Variants in CATSPERE observed in about 807,000 individuals in gnomAD.
CATSPERE encodes catsper channel auxiliary subunit epsilon.
A neutral mutation model predicts 114.1 loss-of-function variants in CATSPERE; 93 were observed. The observed-to-expected ratio is 0.81, with a 90% CI of 0.69 to 0.97. The LOEUF is 0.97. Ranked by LOEUF, CATSPERE falls within the 50% of genes least tolerant of loss-of-function variation. The pLI, the probability that CATSPERE is intolerant of heterozygous loss-of-function variation, is 0.00. For synonymous variants in CATSPERE, 341 were observed against 384.1 expected (o/e 0.89, Z 1.31); for missense variants, 1,058 against 1,131.6 (o/e 0.93, Z 0.93).
At chr1:244,503,509 T>G (rs1203485238) in intron 7 of CATSPERE, among the ~76,000 whole-genome samples, 1 of 152,196 alleles carries the variant, frequency 6.6e-6, no homozygotes, top group Non-Finnish European at 1.5e-5. Flanking sequence ...TATCAATATA[T>G]TCCCTCTTTT....
intron 6 of CATSPERE, among the ~76,000 whole-genome samples, chr1:244,494,601 A>T (rs1672799685): frequency 6.6e-6 from 1 of 151,004 alleles, no homozygotes; most frequent in Non-Finnish European, 1.5e-5. Flanking sequence ...TTAAAGTATA[A>T]TAAAAAAAAA....
At chr1:244,639,809 T>G in intron 21 of CATSPERE, 119 bp from the exon 22 acceptor site, 1 of 899,612 alleles carries the variant, frequency 1.1e-6, no homozygotes, top group Non-Finnish European at 1.7e-6. Flanking sequence ...TGTGTCTTAT[T>G]CACCTTTGCT....
chr1:244,515,661 A>G (rs1481339154), intron 7 of CATSPERE, among the ~76,000 whole-genome samples: 5 of 152,196 alleles, frequency 3.3e-5, no homozygotes, highest in Non-Finnish European at 7.4e-5. Context: ...GAGTGATAAC[A>G]TGGAAGCCAA....
chr1:244,464,512 T>C (rs1667294695), intron 2 of CATSPERE, among the ~76,000 whole-genome samples: 1 of 152,226 alleles, frequency 6.6e-6, no homozygotes, highest in South Asian at 2.1e-4. Context: ...TCTGTGTATC[T>C]GTGCAATCAT....
At chr1:244,460,003 A>G (rs978309941), upstream of CATSPERE, among the ~76,000 whole-genome samples, 1 of 152,222 alleles carries the variant, frequency 6.6e-6, no homozygotes, top group African/African-American at 2.4e-5. Flanking sequence ...ACCCAAAGGG[A>G]AGGATTGAAA....
intron 5 of CATSPERE, among the ~76,000 whole-genome samples, chr1:244,486,241 C>G (rs1265850061): frequency 6.6e-6 from 1 of 152,246 alleles, no homozygotes; most frequent in Non-Finnish European, 1.5e-5. Flanking sequence ...ACATCATGCT[C>G]CCTTAGACAA....
upstream of CATSPERE, among the ~76,000 whole-genome samples, chr1:244,458,010 G>C (rs1039784763): frequency 1.3e-5 from 2 of 152,048 alleles, no homozygotes; most frequent in Non-Finnish European, 2.9e-5. Flanking sequence ...AAATGTCTTT[G>C]TCAATTGTGC....
intron 2 of CATSPERE, among the ~76,000 whole-genome samples, chr1:244,474,261 G>T (rs1286261284): frequency 6.6e-6 from 1 of 151,972 alleles, no homozygotes; most frequent in African/African-American, 2.4e-5. Context: ...TCTCGAACTT[G>T]TGATCTCATG....
Position 244,573,221 on chromosome 1 carries a change from C to A in CATSPERE, c.1950+449C>A, listed in dbSNP as rs1283069725. Among the ~76,000 whole-genome samples the A allele has an allele frequency of 6.6e-6, 1 of 152,050 alleles. No individual in the cohort carries two copies. Among genetic ancestry groups the A allele is most frequent in the East Asian group, 1.9e-4 (1 of 5,184 alleles). On this transcript the variant is annotated intron_variant, in intron 11 of 21. Transcript: ENST00000366534. The surrounding 1 kb of genome is among the most constrained non-coding windows in gnomAD (Gnocchi z 4.0). ...GGTCAGGAGATCGAGACCATCCTGG[C>A]TAACACAGTGAAACCCCGTCTCTAC...
chr1:244,615,965 A>AGT (rs1307235387), intron 19 of CATSPERE, among the ~76,000 whole-genome samples: 19 of 151,214 alleles, frequency 1.3e-4, no homozygotes, highest in African/African-American at 4.6e-4. Context: ...AAAAAAAAAA[A>AGT]AAAAAAGTAA....
rs567046123 is a variant in CATSPERE at position 244,605,677 on chromosome 1, G to C, written c.2304-18G>C. The C allele has an allele frequency of 3.0e-5, 47 of 1,543,740 alleles. No individual in the cohort carries two copies. In the South Asian group the frequency reaches 4.8e-4, roughly 16 times the overall value. ...TTTTATATTAAACTAGTATCTTTCTGTTTGTTGTTTCTTTCAGATTTGATG... is the reference window on the plus strand; with the variant it reads ...TTTTATATTAAACTAGTATCTTTCTCTTTGTTGTTTCTTTCAGATTTGATG... On this transcript the variant is annotated intron_variant, in intron 17 of 21. Transcript: ENST00000366534.
intron 13 of CATSPERE, among the ~76,000 whole-genome samples, chr1:244,584,613 C>T (rs1032018752): frequency 1.3e-5 from 2 of 151,836 alleles, no homozygotes; most frequent in African/African-American, 4.9e-5. Flanking sequence ...ATATTTCACA[C>T]GTCTCCTCTC....
chr1:244,503,215 C>T (rs1433697641), intron 7 of CATSPERE, among the ~76,000 whole-genome samples: 1 of 152,002 alleles, frequency 6.6e-6, no homozygotes, highest in Non-Finnish European at 1.5e-5. Context: ...TGAGATTTTT[C>T]TCTTTGTCTT....
chr1:244,471,386 T>C (rs1668453899), intron 2 of CATSPERE, among the ~76,000 whole-genome samples: 1 of 152,256 alleles, frequency 6.6e-6, no homozygotes, highest in African/African-American at 2.4e-5. Context: ...GGCAAATTAA[T>C]TGAGGTAATT....
At chr1:244,569,157 A>G (rs1197573390) in intron 10 of CATSPERE, among the ~76,000 whole-genome samples, 6 of 151,940 alleles carry the variant, frequency 3.9e-5, no homozygotes, top group Non-Finnish European at 8.8e-5. Context: ...TCCTCATGGC[A>G]CAGTCCCTCG....
At chr1:244,474,858 C>G (rs1669052449) in intron 2 of CATSPERE, among the ~76,000 whole-genome samples, 1 of 151,754 alleles carries the variant, frequency 6.6e-6, no homozygotes, top group South Asian at 2.1e-4. Flanking sequence ...ATCCTCCCAC[C>G]TCAGCCTCCC....
intron 7 of CATSPERE, among the ~76,000 whole-genome samples, chr1:244,512,063 G>A (rs144243196): frequency 5.4e-4 from 82 of 152,284 alleles, no homozygotes; most frequent in African/African-American, 1.9e-3. Context: ...TGAGCTTCCT[G>A]TACCTGGATA....
At chr1:244,487,049 G>T (rs574332179) in intron 5 of CATSPERE, among the ~76,000 whole-genome samples, 1 of 150,234 alleles carries the variant, frequency 6.7e-6, no homozygotes, top group Non-Finnish European at 1.5e-5. Context: ...ACAGACGCTC[G>T]TAGTCACCTG....
At chr1:244,493,340 G>A (rs1672554922) in intron 6 of CATSPERE, among the ~76,000 whole-genome samples, 1 of 152,152 alleles carries the variant, frequency 6.6e-6, no homozygotes, top group African/African-American at 2.4e-5. Context: ...AGAAAAACAA[G>A]CAATGGGGAA....
Sources: gnomAD v4.1 joint callset for allele counts (sites outside exome capture counted in the v4.1 genomes callset) on GRCh38, gnomAD v4.1.1 for gene constraint, Gnocchi (gnomAD v3.1) non-coding constraint, MANE v1.5 for transcripts, NCBI Gene and HGNC (gene_info 2026-07-23, HGNC 2026-07-21) for gene names.